The following PRR5 variants were observed in gnomAD, a reference collection of about 807,000 sequenced individuals.
PRR5 encodes the protein proline rich 5.
In PRR5, 25 loss-of-function variants were observed where a neutral mutation model predicts 30.6. The observed-to-expected ratio is 0.82, with a 90% confidence interval of 0.60 to 1.14. The LOEUF (loss-of-function observed/expected upper bound fraction) is 1.14. PRR5 is among the 50% of genes most tolerant of loss of function. PRR5 has a pLI of 0.00. For missense variants in PRR5, 600 were observed against 547.1 expected, an observed-to-expected ratio of 1.10 and a Z score of -0.96; for synonymous variants, 286 against 247.1, an observed-to-expected ratio of 1.16 and a Z score of -1.48.
chr22:44,733,127 A>C (rs1922534381), intron 6 of PRR5, among the ~76,000 whole-genome samples: 1 of 152,216 alleles, frequency 6.6e-6, no homozygotes, highest in African/African-American at 2.4e-5. Context: ...TGGGGAAGAC[A>C]CTCTGAGAGC....
upstream of PRR5, among the ~76,000 whole-genome samples, chr22:44,673,800 A>G (rs888136034): frequency 1.3e-5 from 2 of 152,114 alleles, no homozygotes; most frequent in African/African-American, 4.8e-5. Flanking sequence ...TGGAGGGGCC[A>G]GGAGATCTAC....
At chr22:44,735,786 G>A (rs534618067) in intron 7 of PRR5, among the ~76,000 whole-genome samples, 2 of 152,212 alleles carry the variant, frequency 1.3e-5, no homozygotes, top group South Asian at 2.1e-4. Context: ...GACAGAGCTG[G>A]GGCAAGGCCC....
chr22:44,673,277 C>G (rs564466927), upstream of PRR5, among the ~76,000 whole-genome samples: 1 of 152,332 alleles, frequency 6.6e-6, no homozygotes, highest in Non-Finnish European at 1.5e-5. Flanking sequence ...GTGTTACTCT[C>G]CGTGCCTCAG....
At chr22:44,692,811 C>T (rs992914690) in intron 1 of PRR5, among the ~76,000 whole-genome samples, 4 of 152,212 alleles carry the variant, frequency 2.6e-5, no homozygotes, top group African/African-American at 7.2e-5. Flanking sequence ...GGATGTTCCC[C>T]GGGCCTGCCT....
At chr22:44,697,220 C>T (rs550567048), upstream of PRR5, among the ~76,000 whole-genome samples, 1 of 152,340 alleles carries the variant, frequency 6.6e-6, no homozygotes, top group East Asian at 1.9e-4. Context: ...TGGCCTGGTG[C>T]TTGGTGCCGG....
intron 1 of PRR5, among the ~76,000 whole-genome samples, chr22:44,712,015 T>C (rs1928319983): frequency 6.6e-6 from 1 of 152,024 alleles, no homozygotes; most frequent in African/African-American, 2.4e-5. Context: ...GCAGCTCTAC[T>C]GTGACATAGT....
chr22:44,695,156 G>A (rs1452329482), intron 1 of PRR5, among the ~76,000 whole-genome samples: 1 of 152,134 alleles, frequency 6.6e-6, no homozygotes, highest in East Asian at 1.9e-4. Context: ...GGGTGACAGA[G>A]CAAGACTCTG....
intron 1 of PRR5, among the ~76,000 whole-genome samples, chr22:44,684,769 A>G (rs9626526): frequency 0.09 from 13,758 of 152,306 alleles, 787 homozygotes; most frequent in East Asian, 0.27. Flanking sequence ...CGTCCACAGT[A>G]GGGGAGCAGC....
chr22:44,673,384 G>A (rs1923535380), upstream of PRR5, among the ~76,000 whole-genome samples: 1 of 152,226 alleles, frequency 6.6e-6, no homozygotes. Flanking sequence ...CAATGCATAG[G>A]CAGCTCTTGG....
chr22:44,687,919 C>T (rs552189996), intron 1 of PRR5, among the ~76,000 whole-genome samples: 4 of 152,024 alleles, frequency 2.6e-5, no homozygotes, highest in East Asian at 2.0e-4. Flanking sequence ...GGACTACAGG[C>T]GTCCACCACC....
At chr22:44,679,586 A>T (rs1924075411) in intron 1 of PRR5, 4 of 452,500 alleles carry the variant, frequency 8.8e-6, no homozygotes, top group African/African-American at 7.9e-5. Flanking sequence ...GCATGCCTGT[A>T]ATCCCGGCTA....
At chr22:44,730,593 C>G (rs1176734888) in intron 4 of PRR5, 1 of 992,232 alleles carries the variant, frequency 1.0e-6, no homozygotes. Context: ...TGTCTGCTAC[C>G]TACGTATCTG....
Position 44,691,948 on chromosome 22 carries a change from T to G in PRR5, c.-10-10544T>G, listed in dbSNP as rs1601967314. Among the ~76,000 whole-genome samples the G allele has an allele frequency of 6.6e-6, 1 of 152,212 alleles. No homozygotes were observed. The highest frequency in any genetic ancestry group is 2.1e-4 in the South Asian group (1 of 4,830). The stretch of plus-strand genomic sequence containing the variant: ...CCGACATCACCTCCACAGTCGGCTC[T>G]GTGGGCTCAATTGATGCCATCAGGA... On this transcript the variant is annotated intron_variant, in intron 1 of 8. Transcript: ENST00000006251. This position sits in a 1 kb window ranked among gnomAD's most constrained non-coding sequence, Gnocchi z 4.4.
In PRR5 at chr22:44,693,616, C is replaced by CTTTTT. The variant is rs1228023916; in HGVS notation, c.-10-8857_-10-8853dup. 4.9e-4 allele frequency among the ~76,000 whole-genome samples: 44 copies of CTTTTT among 90,572 alleles called. 1 individual carries two copies. The highest frequency in any genetic ancestry group is 6.7e-4 in the Non-Finnish European group (32 of 47,656). 59.4% of individuals were successfully genotyped at this position (90,572 alleles called of 152,430 possible). A position where few individuals can be genotyped will look rare whatever the true frequency, so the allele number is the denominator to read the frequency against. ...TCTGTGACTTCACATTTCACATGGA[C>CTTTTT]TTTTTTTTTTTTTTTTTTTTTTTCT... On this transcript the variant is annotated intron_variant, in intron 1 of 8. Coordinates refer to the PRR5 transcript ENST00000006251.
chr22:44,737,082 T>A lies in PRR5; in HGVS notation c.1002T>A (p.Asp334Glu), dbSNP rs1274957383. 3 of 1,611,170 alleles carry A rather than the reference T, an allele frequency of 1.9e-6. No individual in the cohort carries two copies. Among genetic ancestry groups the A allele is most frequent in the Non-Finnish European group, 2.5e-6 (3 of 1,179,792 alleles). The change falls in exon 8 of 8, where the codon GAT (aspartate) becomes GAA (glutamate). Residue 334 changes from aspartate to glutamate, a missense_variant. Asp to Glu is a conservative substitution (Grantham distance 45). Transcript: ENST00000336985. ...CCCAGCCCCCTGAGCAGGGCTTGGA[T>A]CCCACCCGCAGCTCCCTGCCCCGCT... ...PTTQPPEQGL[D>E]PTRSSLPRSS... is the part of the protein sequence containing the mutation.
intron 1 of PRR5, among the ~76,000 whole-genome samples, chr22:44,694,501 C>G (rs1450708587): frequency 6.6e-6 from 1 of 152,180 alleles, no homozygotes; most frequent in Non-Finnish European, 1.5e-5. Context: ...CCACTGCACT[C>G]CAGCCTGGGC....
chr22:44,730,197 C>G lies in PRR5; in HGVS notation c.323-1533C>G, dbSNP rs555246719. The stretch of plus-strand genomic sequence containing the variant: ...CAGGGCCCAGAGAGTGAGAAAAAGG[C>G]AAAGGTCCCTGTTCAGCCTCCGCAT... On this transcript the variant is annotated intron_variant, in intron 4 of 7. Transcript: ENST00000336985. 13 of 985,388 alleles carry G rather than the reference C, an allele frequency of 1.3e-5. No individual in the cohort carries two copies. In the South Asian group the frequency reaches 5.2e-4, roughly 39 times the overall value. The allele number at this position is 985,388 out of a possible 1,614,324, so 61.0% of individuals were successfully genotyped here.
intron 1 of PRR5, among the ~76,000 whole-genome samples, chr22:44,686,095 G>A (rs528850205): frequency 6.6e-6 from 1 of 152,016 alleles, no homozygotes; most frequent in Non-Finnish European, 1.5e-5. Context: ...TCTACTAAAA[G>A]TACAAACATT....
intron 1 of PRR5, among the ~76,000 whole-genome samples, chr22:44,684,308 C>T (rs12169345): frequency 0.09 from 13,676 of 152,068 alleles, 776 homozygotes; most frequent in East Asian, 0.27. Flanking sequence ...TTTGGGAGGC[C>T]GAGGTAGGTG....
Sources: allele counts gnomAD v4.1 joint callset (sites outside exome capture counted in the v4.1 genomes callset), GRCh38; gene constraint gnomAD v4.1.1; non-coding constraint Gnocchi (gnomAD v3.1); transcripts MANE v1.5; gene names NCBI Gene and HGNC (gene_info 2026-07-23, HGNC 2026-07-21).